The following MTA3 variants were observed in gnomAD, a reference collection of about 807,000 sequenced individuals.
The protein encoded by MTA3 is metastasis-associated protein MTA3.
MTA3 carries 34 observed loss-of-function variants against 83.5 expected under a neutral mutation model. The observed-to-expected ratio is 0.41, with a 90% confidence interval of 0.31 to 0.54. MTA3 has a LOEUF of 0.54. MTA3 is among the 20% of genes least tolerant of loss of function. MTA3 has a pLI of 0.33. For synonymous variants in MTA3, 303 were observed against 252.7 expected (o/e 1.20, Z -1.89); for missense variants, 761 against 726.4 (o/e 1.05, Z -0.55).
intron 2 of MTA3, among the ~76,000 whole-genome samples, chr2:42,511,058 C>T (rs1674875258): frequency 6.6e-6 from 1 of 152,158 alleles, no homozygotes; most frequent in African/African-American, 2.4e-5. Flanking sequence ...TATTTCCCAA[C>T]CCCACAATCC....
At chr2:42,574,749 G>A (rs942980643) in intron 2 of MTA3, among the ~76,000 whole-genome samples, 1 of 152,152 alleles carries the variant, frequency 6.6e-6, no homozygotes, top group South Asian at 2.1e-4. Flanking sequence ...TTTTGTAGAC[G>A]TGGTCTTACT....
At chr2:42,521,927 G>C (rs957216344) in intron 2 of MTA3, among the ~76,000 whole-genome samples, 1 of 151,862 alleles carries the variant, frequency 6.6e-6, no homozygotes, top group Non-Finnish European at 1.5e-5. Context: ...GCTAATTTTT[G>C]TATTTTTGTA....
chr2:42,750,061 G>A (rs867141523), intron 16 of MTA3, among the ~76,000 whole-genome samples: 1 of 151,816 alleles, frequency 6.6e-6, no homozygotes, highest in African/African-American at 2.4e-5. Flanking sequence ...GCACAATCTC[G>A]GCTCACTGCA....
chr2:42,612,853 C>T (rs1260290426), intron 4 of MTA3, among the ~76,000 whole-genome samples: 1 of 152,008 alleles, frequency 6.6e-6, no homozygotes, highest in Admixed American at 6.6e-5. Context: ...AAGAGAGACT[C>T]TTGTCTCAAA....
At chr2:42,527,052 C>CA (rs34030475) in intron 2 of MTA3, among the ~76,000 whole-genome samples, 2,497 of 45,070 alleles carry the variant, frequency 0.055, 213 homozygotes, top group African/African-American at 0.11. Flanking sequence ...GACTCTGTCT[C>CA]AAAAAAAAAA....
intron 8 of MTA3, among the ~76,000 whole-genome samples, chr2:42,660,278 G>A (rs1370066531): frequency 1.3e-5 from 2 of 151,894 alleles, no homozygotes; most frequent in African/African-American, 4.8e-5. Context: ...TGGTAGAGAC[G>A]GGGTTTCACC....
chr2:42,579,346 A>G (rs546024616), intron 3 of MTA3, 146 bp downstream of exon 3: 1 of 590,928 alleles, frequency 1.7e-6, no homozygotes, highest in East Asian at 3.0e-5. Flanking sequence ...AAGTGATACT[A>G]ACTGAAACCA....
At chr2:42,522,681 C>T (rs1219870901) in intron 2 of MTA3, among the ~76,000 whole-genome samples, 1 of 151,754 alleles carries the variant, frequency 6.6e-6, no homozygotes, top group Non-Finnish European at 1.5e-5. Context: ...CCTGTAGTCC[C>T]AGCTATTCCA....
At chr2:42,693,933 T>C (rs1693144190) in intron 9 of MTA3, among the ~76,000 whole-genome samples, 1 of 152,016 alleles carries the variant, frequency 6.6e-6, no homozygotes, top group Non-Finnish European at 1.5e-5. Flanking sequence ...CAGGCATTGC[T>C]GCTGGTTACT....
At chr2:42,598,031 A>G (rs763259866) in intron 3 of MTA3, among the ~76,000 whole-genome samples, 2 of 150,084 alleles carry the variant, frequency 1.3e-5, no homozygotes, top group Non-Finnish European at 3.0e-5. Flanking sequence ...GTGTACATTC[A>G]CTGAATTCCG....
At chr2:42,565,729 G>A (rs1222043095), upstream of MTA3, among the ~76,000 whole-genome samples, 1 of 152,062 alleles carries the variant, frequency 6.6e-6, no homozygotes, top group Non-Finnish European at 1.5e-5. Flanking sequence ...ACCAGGCTGG[G>A]CATGGTGGCT....
chr2:42,659,012 T>A (rs918336338), intron 7 of MTA3, among the ~76,000 whole-genome samples: 1 of 151,710 alleles, frequency 6.6e-6, no homozygotes, highest in Non-Finnish European at 1.5e-5. Flanking sequence ...GTGGGAAGAT[T>A]GTTTGAGCCC....
At position 42,550,249 on chromosome 2, in the gene MTA3, G is replaced by A. The variant is rs140221297; in HGVS notation, c.-140-20188G>A. Among the ~76,000 whole-genome samples, 70 of 152,224 alleles carry A rather than the reference G, an allele frequency of 4.6e-4. No individual in the cohort carries two copies. In the East Asian group the frequency reaches 9.5e-3, roughly 21 times the overall value. ...TCACACCTCAACCTGCAAAAATTAT[G>A]GCCACAGTGCATGATAATTGCTTAG... is the stretch of plus-strand genomic sequence containing the variant. On this transcript the variant is annotated intron_variant, in intron 2 of 17. Transcript: ENST00000405592.
chr2:42,756,450 G>A lies in MTA3; in HGVS notation c.*3051G>A. Reference sequence around the variant, plus strand: ...TCCCCTGCCACTCAGAGCAGAGCAGGGGGCTGAGGGCAAGCAGGTGGGGCT... The same window carrying A: ...TCCCCTGCCACTCAGAGCAGAGCAGAGGGCTGAGGGCAAGCAGGTGGGGCT... On this transcript the variant is annotated 3_prime_UTR_variant, in exon 17 of 17. Transcript: ENST00000405094. The A allele has an allele frequency of 1.0e-6, 1 of 985,494 alleles. No homozygotes were observed. Among genetic ancestry groups the A allele is most frequent in the Non-Finnish European group, 1.2e-6 (1 of 829,976 alleles). 61.0% of individuals were successfully genotyped at this position (985,494 alleles called of 1,614,324 possible). A position where few individuals can be genotyped will look rare whatever the true frequency, so the allele number is the denominator to read the frequency against.
At chr2:42,718,540 AG>A (rs1376856841) in intron 14 of MTA3, among the ~76,000 whole-genome samples, 8 of 151,704 alleles carry the variant, frequency 5.3e-5, no homozygotes, top group African/African-American at 1.7e-4. Context: ...GCAGGTGGGC[AG>A]AACACAAGAT....
chr2:42,644,046 C>A, intron 5 of MTA3, 81 bp from the exon 6 acceptor site: 1 of 818,942 alleles, frequency 1.2e-6, no homozygotes, highest in South Asian at 2.1e-5. Context: ...TTTATATGTT[C>A]ATTGTAGCAA....
At chr2:42,710,876 A>G (rs139094033) in intron 14 of MTA3, among the ~76,000 whole-genome samples, 175 of 152,134 alleles carry the variant, frequency 1.2e-3, no homozygotes, top group African/African-American at 4.1e-3. Flanking sequence ...GTCAGGAGTT[A>G]GAGACTAGCC....
At chr2:42,687,299 C>T (rs1487012960) in intron 9 of MTA3, among the ~76,000 whole-genome samples, 3 of 152,160 alleles carry the variant, frequency 2.0e-5, no homozygotes, top group African/African-American at 4.8e-5. Flanking sequence ...TAAGTAGAAT[C>T]GTTTAGTAGT....
intron 9 of MTA3, among the ~76,000 whole-genome samples, chr2:42,694,580 A>G (rs1301620022): frequency 6.6e-6 from 1 of 151,984 alleles, no homozygotes; most frequent in Non-Finnish European, 1.5e-5. Context: ...GGTCACTGTG[A>G]TGTTCTTCCT....
Sources: gnomAD v4.1 joint callset for allele counts (sites outside exome capture counted in the v4.1 genomes callset) on GRCh38, gnomAD v4.1.1 for gene constraint, MANE v1.5 for transcripts, NCBI Gene and HGNC (gene_info 2026-07-23, HGNC 2026-07-21) for gene names.